Variants in GOLGA8S observed in about 807,000 individuals in gnomAD.
The protein encoded by GOLGA8S is golgin A8 family member S, also known as golgin subfamily A member 8S.
GOLGA8S carries 23 observed loss-of-function variants against 58.9 expected under a neutral mutation model. That is an observed-to-expected ratio of 0.39 (90% CI 0.28 to 0.55). GOLGA8S has a LOEUF of 0.55. Among genes scored for constraint, GOLGA8S ranks in the 20% least tolerant of loss-of-function variants. The probability of loss-of-function intolerance (pLI) is 0.63; values close to 1 mark genes in which losing one functional copy is unlikely to be tolerated. For synonymous variants in GOLGA8S, 84 were observed against 195.7 expected (o/e 0.43, Z 4.76); for missense variants, 266 against 514.2 (o/e 0.52, Z 4.67).
At chr15:23,357,014 AG>A in intron 2 of GOLGA8S, among the ~76,000 whole-genome samples, 1 of 75,844 alleles carries the variant, frequency 1.3e-5, no homozygotes, top group African/African-American at 4.7e-5. Flanking sequence ...CAGAACACCC[AG>A]GATATGGTCA....
chr15:23,366,517 A>T (rs1372228927), downstream of GOLGA8S: 1 of 152,072 alleles, frequency 6.6e-6, no homozygotes, highest in Admixed American at 6.6e-5. Context: ...AAATGTGTAC[A>T]AACTGCAGTG....
In GOLGA8S at chr15:23,361,232, C is replaced by T. The variant is rs780437241; in HGVS notation, c.886C>T (p.Pro296Ser). 1.1e-5 allele frequency: 16 copies of T among 1,479,518 alleles called. 1 individual carries two copies. Among genetic ancestry groups the T allele is most frequent in the Admixed American group, 5.1e-5 (3 of 59,144 alleles). The allele number at this position is 1,479,518 out of a possible 1,614,324, so 91.6% of individuals were successfully genotyped here. ...GCTTCCTTTCTCAGCTGAACCTCTG[C>T]CCCCGGAGCCCCCAGCAGTGCCCTC... The change falls in exon 12 of 19, where the codon CCC (proline) becomes TCC (serine). Residue 296 changes from proline (P) to serine (S), a missense_variant. Pro to Ser is a moderately conservative substitution (Grantham distance 74, BLOSUM62 -1). This residue lies in a region of GOLGA8S where 114 missense variants were observed against 120.7 expected (regional missense o/e 0.94). Transcript: ENST00000562295.
At chr15:23,364,412 T>C (rs1164112623) in exon 16 of GOLGA8S, 4 of 1,604,680 alleles carry the variant, frequency 2.5e-6, no homozygotes, top group Non-Finnish European at 2.5e-6. Flanking sequence ...AGAACTTCGC[T>C]TCATTCAATA....
downstream of GOLGA8S, among the ~76,000 whole-genome samples, chr15:23,367,895 T>TA (rs1304422208): frequency 3.9e-5 from 6 of 152,024 alleles, no homozygotes; most frequent in Middle Eastern, 3.4e-3. Context: ...TTAAACCTGA[T>TA]AATTTTCCAG....
At chr15:23,361,232 C>A (rs780437241) in exon 12 of GOLGA8S, 2 of 1,479,626 alleles carry the variant, frequency 1.4e-6, no homozygotes, top group Admixed American at 1.7e-5. Flanking sequence ...TGAACCTCTG[C>A]CCCCGGAGCC....
chr15:23,364,293 AC>A (rs2069867091), intron 15 of GOLGA8S, 49 bp from the exon 16 acceptor site: 1 of 1,594,160 alleles, frequency 6.3e-7, no homozygotes, highest in African/African-American at 1.3e-5. Context: ...TGAAAATGCC[AC>A]CTGAGGGCAG....
rs1009338711 is a variant in GOLGA8S, at chr15:23,360,672, C to T, written c.787-56C>T. On this transcript the variant is annotated intron_variant, in intron 10 of 18. Coordinates refer to ENST00000562295, the Ensembl canonical transcript of GOLGA8S. Reference sequence around the variant, plus strand: ...GTGGGGGCAGAGAGGGAGAGGGCAGCCTGTCCAGCCTCCAGCCCCTCTCTC... The same window carrying T: ...GTGGGGGCAGAGAGGGAGAGGGCAGTCTGTCCAGCCTCCAGCCCCTCTCTC... The T allele has an allele frequency of 3.5e-5, 42 of 1,209,572 alleles. 4 individuals are homozygous for T. The highest frequency in any genetic ancestry group is 2.7e-4 in the African/African-American group (18 of 65,648). 74.9% of individuals were successfully genotyped at this position (1,209,572 alleles called of 1,614,324 possible). A position where few individuals can be genotyped will look rare whatever the true frequency, so the allele number is the denominator to read the frequency against.
At chr15:23,357,948 G>A (rs1238423942) in intron 4 of GOLGA8S, among the ~76,000 whole-genome samples, 1 of 149,844 alleles carries the variant, frequency 6.7e-6, no homozygotes, top group Non-Finnish European at 1.5e-5. Context: ...TTTGCTCTTT[G>A]ATTCTGGACA....
Position 23,361,474 on chromosome 15 carries a change from G to C in GOLGA8S, c.1110+18G>C, listed in dbSNP as rs752731360. The C allele has an allele frequency of 1.3e-6, 1 of 772,156 alleles. No homozygotes were observed. The highest frequency in any genetic ancestry group is 1.4e-5 in the South Asian group (1 of 73,768). 47.8% of individuals were successfully genotyped at this position (772,156 alleles called of 1,614,324 possible). On this transcript the variant is annotated intron_variant, in intron 12 of 18. Coordinates refer to ENST00000562295, the Ensembl canonical transcript of GOLGA8S. ...AGGAGCTGGTGCGTTGCCCCAGCTGGGGAGCCTGCCCTCCTCCCTAGCCCT... is the reference window on the plus strand; with the variant it reads ...AGGAGCTGGTGCGTTGCCCCAGCTGCGGAGCCTGCCCTCCTCCCTAGCCCT...
chr15:23,360,732 G>C, exon 11 of GOLGA8S: 1 of 1,071,854 alleles, frequency 9.3e-7, no homozygotes, highest in South Asian at 1.3e-5. Flanking sequence ...GGGCAGGTTT[G>C]CTCGTTGAAG....
At chr15:23,362,824 G>A (rs1224342590) in intron 13 of GOLGA8S, among the ~76,000 whole-genome samples, 1 of 143,066 alleles carries the variant, frequency 7.0e-6, no homozygotes, top group Non-Finnish European at 1.5e-5. Context: ...TCACACCCAG[G>A]GTCTTCCTGC....
chr15:23,365,754 C>A (rs141024209), downstream of GOLGA8S: 1,250 of 168,726 alleles, frequency 7.4e-3, 25 homozygotes, highest in African/African-American at 0.027. Context: ...TTTGAGGGAG[C>A]TTTTTAAATC....
chr15:23,357,897 T>A (rs868643191), intron 4 of GOLGA8S, among the ~76,000 whole-genome samples: 17 of 150,056 alleles, frequency 1.1e-4, no homozygotes, highest in Admixed American at 2.0e-4. Flanking sequence ...GCCTGACTGG[T>A]TGTCAGGGTC....
intron 14 of GOLGA8S, chr15:23,363,469 A>G (rs1390545424): frequency 3.7e-6 from 2 of 535,774 alleles, no homozygotes; most frequent in Admixed American, 7.3e-5. Context: ...GCAGGTCAGA[A>G]CTCCCGCACC....
At position 23,357,767 on chromosome 15, in the gene GOLGA8S, G is replaced by A. The variant is rs545505378; in HGVS notation, c.309+148G>A. 12 of 561,790 alleles carry A rather than the reference G, an allele frequency of 2.1e-5. 1 individual carries two copies. Among genetic ancestry groups the A allele is most frequent in the South Asian group, 1.0e-4 (5 of 49,858 alleles). 34.8% of individuals were successfully genotyped at this position (561,790 alleles called of 1,614,324 possible). A position where few individuals can be genotyped will look rare whatever the true frequency, so the allele number is the denominator to read the frequency against. ...CCCAGGCCTCACCTGGAGGGACCCC[G>A]GAGCATGCAGCATGGCTCTTTTTTT... On this transcript the variant is annotated intron_variant, in intron 4 of 18. Transcript: ENST00000562295.
At chr15:23,359,450 G>A (rs1265963471) in intron 8 of GOLGA8S, among the ~76,000 whole-genome samples, 2 of 146,680 alleles carry the variant, frequency 1.4e-5, no homozygotes, top group Non-Finnish European at 3.0e-5. Flanking sequence ...TGCCTGCCAT[G>A]CCTTTACCTG....
At chr15:23,358,119 G>A (rs1488020395) in intron 4 of GOLGA8S, among the ~76,000 whole-genome samples, 8 of 151,896 alleles carry the variant, frequency 5.3e-5, no homozygotes, top group African/African-American at 1.2e-4. Flanking sequence ...GTGAAGAACC[G>A]TACTTGGCCC....
chr15:23,360,693 C>G, intron 10 of GOLGA8S, 35 bp from the exon 11 acceptor site: 1 of 1,117,260 alleles, frequency 9.0e-7, no homozygotes, highest in Non-Finnish European at 1.4e-6. Context: ...TCCAGCCCCT[C>G]TCTCCAGGGC....
chr15:23,361,203 G>A lies in GOLGA8S; in HGVS notation c.875-18G>A, dbSNP rs376639740. 1.3e-3 allele frequency: 1,574 copies of A among 1,222,236 alleles called. 55 individuals are homozygous for A. Among genetic ancestry groups the A allele is most frequent in the South Asian group, 3.0e-3 (243 of 80,148 alleles). The allele number at this position is 1,222,236 out of a possible 1,614,324, so 75.7% of individuals were successfully genotyped here. ...TTTTTGGAATCCAGAGGCTCTTATT[G>A]TCTGCTTCCTTTCTCAGCTGAACCT... On this transcript the variant is annotated intron_variant, in intron 11 of 18. Transcript: ENST00000562295.
Sources: gnomAD v4.1 joint callset for allele counts (sites outside exome capture counted in the v4.1 genomes callset) on GRCh38, gnomAD v4.1.1 for gene constraint, gnomAD v4.1.1 regional missense constraint, MANE v1.5 for transcripts, NCBI Gene and HGNC (gene_info 2026-07-23, HGNC 2026-07-21) for gene names.